ABCC2: variants seen among roughly 807,000 people sequenced by gnomAD.
ABCC2 encodes ATP-binding cassette sub-family C member 2.
A neutral mutation model predicts 173.4 loss-of-function variants in ABCC2; 157 were observed. The observed-to-expected ratio is 0.91, with a 90% CI of 0.80 to 1.03. ABCC2 has a LOEUF of 1.03. ABCC2 is among the 50% of genes least tolerant of loss of function. The probability of loss-of-function intolerance (pLI) is 0.00; values close to 1 mark genes in which losing one functional copy is unlikely to be tolerated. For synonymous variants in ABCC2, 657 were observed against 693.5 expected, an observed-to-expected ratio of 0.95 and a Z score of 0.83; for missense variants, 1,822 against 1,852.3, an observed-to-expected ratio of 0.98 and a Z score of 0.30.
At position 99,819,198 on chromosome 10, in the gene ABCC2, C is replaced by A. The variant is rs2133081032; in HGVS notation, c.2549C>A (p.Ala850Asp). Residue 850 changes from alanine to aspartate, a missense_variant, in exon 19 of 32, where the codon GCC (alanine) becomes GAC (aspartate). Transcript: ENST00000647814. ...AAAGGATCCTACAGTGCTCTCCTGGCCAAAAAAGGAGAGTTTGCTAAGAAT... is the reference window on the plus strand; with the variant it reads ...AAAGGATCCTACAGTGCTCTCCTGGACAAAAAAGGAGAGTTTGCTAAGAAT... ...VEKGSYSALL[A>D]KKGEFAKNLK... The A allele has an allele frequency of 6.2e-7, 1 of 1,613,838 alleles. No individual in the cohort carries two copies. Among genetic ancestry groups the A allele is most frequent in the Non-Finnish European group, 8.5e-7 (1 of 1,179,934 alleles).
At chr10:99,822,772 T>C (rs2038559859) in intron 19 of ABCC2, among the ~76,000 whole-genome samples, 1 of 152,232 alleles carries the variant, frequency 6.6e-6, no homozygotes. Flanking sequence ...CTCCTGCTTC[T>C]TTTTGTTTAA....
rs374311166 is a variant in ABCC2, at chr10:99,831,795, G to T, written c.3068G>T (p.Arg1023Ile). 162 of 1,614,096 alleles carry T rather than the reference G, an allele frequency of 1.0e-4. No homozygotes were observed. Among genetic ancestry groups the T allele is most frequent in the Non-Finnish European group, 1.3e-4 (157 of 1,180,040 alleles). The change falls in exon 22 of 32, where the codon AGA becomes ATA. Residue 1023 changes from arginine (R) to isoleucine (I), a missense_variant. Coordinates refer to ENST00000647814, the MANE Select transcript of ABCC2 (RefSeq NM_000392.5). The part of the protein sequence containing the change: ...TDYPASQRDM[R>I]VGVYGALGLA... ...TATCCAGCATCTCAGAGGGACATGAGAGTTGGAGTCTACGGAGCTCTGGGA... is the reference window on the plus strand; with the variant it reads ...TATCCAGCATCTCAGAGGGACATGATAGTTGGAGTCTACGGAGCTCTGGGA...
At chr10:99,843,709 C>CA in intron 26 of ABCC2, 90 bp from the exon 27 acceptor site, 1 of 1,058,760 alleles carries the variant, frequency 9.4e-7, no homozygotes, top group Admixed American at 1.7e-5. Context: ...GTGCTGGGTA[C>CA]AAAGTCGGCA....
chr10:99,792,126 T>G lies in ABCC2; in HGVS notation c.208-108T>G. The stretch of plus-strand genomic sequence containing the variant: ...CTTTCCAGAAATATTTATTGTGTTA[T>G]CTGAATCACTGCATACCGCTTTTCC... On this transcript the variant is annotated intron_variant, in intron 2 of 31. Transcript: ENST00000647814. The G allele has an allele frequency of 2.2e-6, 3 of 1,363,178 alleles. No homozygotes were observed. In the South Asian group the frequency reaches 3.5e-5, roughly 16 times the overall value. The allele number at this position is 1,363,178 out of a possible 1,614,324, so 84.4% of individuals were successfully genotyped here.
intron 15 of ABCC2, among the ~76,000 whole-genome samples, chr10:99,812,579 C>T (rs2133047128): frequency 6.6e-6 from 1 of 152,258 alleles, no homozygotes; most frequent in Admixed American, 6.5e-5. Context: ...TAATCTAGTC[C>T]AATCCCATTA....
At chr10:99,802,467 C>T (rs1218938238) in intron 9 of ABCC2, among the ~76,000 whole-genome samples, 2 of 149,536 alleles carry the variant, frequency 1.3e-5, no homozygotes. Context: ...ATAGTGATTA[C>T]CTTGAAGGGC....
At chr10:99,842,143 A>G in intron 26 of ABCC2, 50 bp downstream of exon 26, 1 of 1,612,124 alleles carries the variant, frequency 6.2e-7, no homozygotes, top group Non-Finnish European at 8.5e-7. Context: ...TTATTCTTAA[A>G]TTAAGCCTGA....
intron 24 of ABCC2, 28 bp from the exon 25 acceptor site, chr10:99,836,063 T>C: frequency 1.2e-6 from 2 of 1,611,270 alleles, no homozygotes; most frequent in Non-Finnish European, 1.7e-6. Flanking sequence ...ACTGCGGGAC[T>C]GGCTGATTCT....
intron 23 of ABCC2, among the ~76,000 whole-genome samples, chr10:99,832,865 A>G (rs4148398): frequency 0.7 from 106,123 of 152,114 alleles, 37,618 homozygotes; most frequent in African/African-American, 0.82. Context: ...ACTGTACTAG[A>G]CACTGGGGCA....
chr10:99,784,942 G>A (rs1265539526), intron 2 of ABCC2, among the ~76,000 whole-genome samples, 161 bp downstream of exon 2: 2 of 152,148 alleles, frequency 1.3e-5, no homozygotes, highest in Admixed American at 6.5e-5. Context: ...GTCCCTTGCT[G>A]CATTTCTTAA....
intron 25 of ABCC2, among the ~76,000 whole-genome samples, chr10:99,837,137 CTTTTT>C (rs34959207): frequency 6.7e-5 from 7 of 104,726 alleles, no homozygotes; most frequent in African/African-American, 2.7e-4. Flanking sequence ...TGAGAAAGTC[CTTTTT>C]TTTTTTTTTT....
intron 13 of ABCC2, among the ~76,000 whole-genome samples, chr10:99,809,877 G>A (rs949795837): frequency 1.3e-5 from 2 of 152,214 alleles, no homozygotes; most frequent in Admixed American, 6.5e-5. Context: ...AAGGCAGGAG[G>A]TAGTTTCTGG....
Position 99,804,090 on chromosome 10 carries a change from T to C in ABCC2, c.1281T>C (p.Asp427=). 1 of 1,614,202 alleles carries C rather than the reference T, an allele frequency of 6.2e-7. No homozygotes were observed. Among genetic ancestry groups the C allele is most frequent in the Non-Finnish European group, 8.5e-7 (1 of 1,180,030 alleles). The part of the protein sequence containing the change: ...VGETVNLMSV[D]AQKLMDVTNF... ...AAACAGTGAACCTGATGTCTGTGGA[T>C]GCCCAGAAGCTCATGGATGTGACCA... The change falls in exon 10 of 32, where the codon GAT becomes GAC. Residue 427 remains aspartate (D), a synonymous_variant. Transcript: ENST00000647814.
chr10:99,799,937 C>T (rs2037984603), intron 8 of ABCC2, among the ~76,000 whole-genome samples: 1 of 152,186 alleles, frequency 6.6e-6, no homozygotes, highest in Non-Finnish European at 1.5e-5. Flanking sequence ...CATGGTGGCT[C>T]ATGACTGTAA....
At chr10:99,834,609 TTC>T in intron 24 of ABCC2, 74 bp downstream of exon 24, 2 of 1,523,298 alleles carry the variant, frequency 1.3e-6, no homozygotes, top group Non-Finnish European at 1.8e-6. Context: ...CCTGAGAATC[TTC>T]TCTCTGATTC....
At chr10:99,810,051 A>G (rs950813754) in intron 13 of ABCC2, 83 bp from the exon 14 acceptor site, 2 of 1,307,222 alleles carry the variant, frequency 1.5e-6, no homozygotes, top group South Asian at 1.2e-5. Context: ...ATAGAAAATC[A>G]TGGACTAACG....
At chr10:99,810,420 G>C (rs1380819354) in intron 14 of ABCC2, among the ~76,000 whole-genome samples, 1 of 152,240 alleles carries the variant, frequency 6.6e-6, no homozygotes, top group African/African-American at 2.4e-5. Flanking sequence ...GCTAAGTAAA[G>C]CTGGGCCAGC....
chr10:99,832,194 G>A, intron 23 of ABCC2, 63 bp downstream of exon 23: 1 of 1,588,462 alleles, frequency 6.3e-7, no homozygotes, highest in Non-Finnish European at 8.6e-7. Context: ...TGATAGGGAG[G>A]AATTATTATG....
chr10:99,818,727 T>C, intron 17 of ABCC2, 63 bp from the exon 18 acceptor site: 1 of 1,590,654 alleles, frequency 6.3e-7, no homozygotes, highest in East Asian at 2.2e-5. Context: ...TACCCCTCCC[T>C]ATTAGATTCT....
Sources: allele counts gnomAD v4.1 joint callset (sites outside exome capture counted in the v4.1 genomes callset), GRCh38; gene constraint gnomAD v4.1.1; transcripts MANE v1.5; gene names NCBI Gene and HGNC (gene_info 2026-07-23, HGNC 2026-07-21).